PPP4R3B: variants seen among roughly 807,000 people sequenced by gnomAD.
PPP4R3B encodes the protein serine/threonine-protein phosphatase 4 regulatory subunit 3B.
A neutral mutation model predicts 95.4 loss-of-function variants in PPP4R3B; 52 were observed. That is an observed-to-expected ratio of 0.54 (90% CI 0.44 to 0.69). The LOEUF is 0.69. PPP4R3B is among the 30% of genes least tolerant of loss of function. The pLI is 0.00. For missense variants in PPP4R3B, 1,003 were observed against 1,005.9 expected (o/e 1.00, Z 0.04); for synonymous variants, 407 against 343.9 (o/e 1.18, Z -2.03).
intron 7 of PPP4R3B, among the ~76,000 whole-genome samples, chr2:55,584,193 C>T (rs961966651): frequency 6.6e-6 from 1 of 152,072 alleles, no homozygotes; most frequent in Non-Finnish European, 1.5e-5. Flanking sequence ...TTATCTCCTA[C>T]TTAAAACTGA....
At chr2:55,598,137 T>C (rs1337163241) in intron 4 of PPP4R3B, among the ~76,000 whole-genome samples, 1 of 151,862 alleles carries the variant, frequency 6.6e-6, no homozygotes, top group Non-Finnish European at 1.5e-5. Flanking sequence ...GAAGAATTGC[T>C]TGAACCCGGG....
chr2:55,604,233 G>C (rs376458852), intron 2 of PPP4R3B, among the ~76,000 whole-genome samples, 157 bp from the exon 3 acceptor site: 1 of 152,078 alleles, frequency 6.6e-6, no homozygotes, highest in Non-Finnish European at 1.5e-5. Flanking sequence ...GTAATATATT[G>C]GCAATACAAT....
chr2:55,568,569 C>T (rs913568906), intron 12 of PPP4R3B, among the ~76,000 whole-genome samples: 12 of 152,166 alleles, frequency 7.9e-5, no homozygotes, highest in African/African-American at 2.7e-4. Flanking sequence ...TGCAGAGGAT[C>T]GCTCAAAACC....
At chr2:55,594,137 G>C (rs921283127) in intron 4 of PPP4R3B, among the ~76,000 whole-genome samples, 2 of 151,914 alleles carry the variant, frequency 1.3e-5, no homozygotes, top group Non-Finnish European at 2.9e-5. Flanking sequence ...CAGACACTGG[G>C]AACTCCAAAA....
intron 11 of PPP4R3B, among the ~76,000 whole-genome samples, chr2:55,576,233 C>A (rs1688642974): frequency 6.6e-6 from 1 of 152,140 alleles, no homozygotes; most frequent in Non-Finnish European, 1.5e-5. Flanking sequence ...CCTGTGATCC[C>A]AGCTACTTGG....
At chr2:55,578,810 C>G (rs998824620) in intron 9 of PPP4R3B, among the ~76,000 whole-genome samples, 7 of 152,024 alleles carry the variant, frequency 4.6e-5, no homozygotes, top group African/African-American at 1.7e-4. Context: ...AGTGACTCTT[C>G]AGGTTAACAA....
At chr2:55,576,306 C>G (rs1688653011) in intron 11 of PPP4R3B, among the ~76,000 whole-genome samples, 1 of 151,992 alleles carries the variant, frequency 6.6e-6, no homozygotes, top group African/African-American at 2.4e-5. Flanking sequence ...CGAAATTGTG[C>G]CACTGCACTC....
At position 55,571,578 on chromosome 2, in the gene PPP4R3B, A is replaced by G. The variant is rs72803549; in HGVS notation, c.1765+2041T>C. Reference sequence around the variant, plus strand: ...GGTCTCAGTAGGTATTAAACCTTACAAGAGACACTATAATGCCTGGCATAA... The same window carrying G: ...GGTCTCAGTAGGTATTAAACCTTACGAGAGACACTATAATGCCTGGCATAA... On this transcript the variant is annotated intron_variant, in intron 12 of 16. Transcript: ENST00000616407. Among the ~76,000 whole-genome samples, 244 of 152,314 alleles carry G rather than the reference A, an allele frequency of 1.6e-3. 2 individuals are homozygous for G. In the Middle Eastern group the frequency reaches 0.024, roughly 15 times the overall value.
At position 55,547,330 on chromosome 2, in the gene PPP4R3B, A is replaced by G. The variant is rs1296951268; in HGVS notation, c.*2581T>C. ...ACTTTTTATTAAAAATAGTTTTTAT[A>G]TTGGACACATGTTTACAGATACCAT... is the stretch of plus-strand genomic sequence containing the variant. On this transcript the variant is annotated 3_prime_UTR_variant, in exon 17 of 17. Transcript: ENST00000616407. The G allele has an allele frequency of 6.6e-6, 1 of 152,210 alleles. No homozygotes were observed. Among genetic ancestry groups the G allele is most frequent in the Non-Finnish European group, 1.5e-5 (1 of 68,048 alleles). 9.4% of individuals were successfully genotyped at this position (152,210 alleles called of 1,614,324 possible).
rs1476108443 is a variant in PPP4R3B, at chr2:55,612,710, C to T, written c.198+2741G>A. On this transcript the variant is annotated intron_variant, in intron 2 of 16. Transcript: ENST00000616407. ...CTGTAATCCCAGCACTTTGGGGGGC[C>T]GAGGCGGGCGGATCACGAGGTCAGG... Among the ~76,000 whole-genome samples, 8 of 151,986 alleles carry T rather than the reference C, an allele frequency of 5.3e-5. No individual in the cohort carries two copies. In the East Asian group the frequency reaches 5.8e-4, roughly 11 times the overall value.
At chr2:55,601,910 C>A (rs1375590978) in intron 3 of PPP4R3B, among the ~76,000 whole-genome samples, 2 of 152,076 alleles carry the variant, frequency 1.3e-5, no homozygotes, top group Non-Finnish European at 2.9e-5. Context: ...AAACCACTGG[C>A]CCATGCTGCA....
At chr2:55,589,028 C>T (rs751473394) in intron 4 of PPP4R3B, 72 bp from the exon 5 acceptor site, 310 of 917,376 alleles carry the variant, frequency 3.4e-4, no homozygotes, top group Admixed American at 6.0e-4. Flanking sequence ...ATGACTTACA[C>T]AAATTATAAA....
rs754786922 is a variant in PPP4R3B, at chr2:55,578,302, T to A, written c.1509A>T (p.Ile503=). 2.8e-5 allele frequency: 42 copies of A among 1,476,190 alleles called. No homozygotes were observed. In the South Asian group the frequency reaches 6.3e-4, roughly 22 times the overall value. The allele number at this position is 1,476,190 out of a possible 1,614,324, so 91.4% of individuals were successfully genotyped here. ...GGGAATGGGAATGTGAAGGGGTACA[T>A]ATGAAACTCCAACTATATCTGTAAT... is the stretch of plus-strand genomic sequence containing the variant. ...LKHYRYSWSF[I]CTPSHSHSHS... Residue 503 remains isoleucine, a synonymous_variant, in exon 10 of 17, where the codon ATA becomes ATT. Coordinates refer to ENST00000616407, the MANE Select transcript of PPP4R3B (RefSeq NM_001122964.3).
At chr2:55,575,515 G>A (rs143846205) in intron 11 of PPP4R3B, among the ~76,000 whole-genome samples, 87 of 152,068 alleles carry the variant, frequency 5.7e-4, no homozygotes, top group African/African-American at 1.9e-3. Context: ...GTGCAATTTC[G>A]GCTCAATGCA....
At chr2:55,564,551 T>G (rs1222839849) in intron 14 of PPP4R3B, 54 bp from the exon 15 acceptor site, 6 of 1,465,250 alleles carry the variant, frequency 4.1e-6, no homozygotes, top group Non-Finnish European at 5.5e-6. Context: ...CATCATCAGA[T>G]TGAACTGAAG....
intron 2 of PPP4R3B, among the ~76,000 whole-genome samples, chr2:55,612,815 G>T (rs555740596): frequency 6.6e-6 from 1 of 152,004 alleles, no homozygotes; most frequent in South Asian, 2.1e-4. Flanking sequence ...GCGTGGTGGC[G>T]GGCGCCTGTA....
intron 1 of PPP4R3B, 130 bp downstream of exon 1, chr2:55,617,014 C>T: frequency 2.8e-6 from 3 of 1,067,132 alleles, no homozygotes; most frequent in Non-Finnish European, 4.0e-6. Context: ...TTTTGCCGTA[C>T]ACAAGAGCCA....
intron 3 of PPP4R3B, among the ~76,000 whole-genome samples, chr2:55,603,284 T>C (rs1692903861): frequency 6.6e-6 from 1 of 152,096 alleles, no homozygotes; most frequent in South Asian, 2.1e-4. Context: ...AGAACATGTA[T>C]TAAAAAGTAG....
At chr2:55,602,333 G>A (rs1329084700) in intron 3 of PPP4R3B, among the ~76,000 whole-genome samples, 2 of 152,186 alleles carry the variant, frequency 1.3e-5, no homozygotes, top group Non-Finnish European at 2.9e-5. Flanking sequence ...TGGTCAAGGA[G>A]TGGCCTGTGC....
Sources: allele counts gnomAD v4.1 joint callset (sites outside exome capture counted in the v4.1 genomes callset), GRCh38; gene constraint gnomAD v4.1.1; transcripts MANE v1.5; gene names NCBI Gene and HGNC (gene_info 2026-07-23, HGNC 2026-07-21).